CPXM1: variants seen among roughly 807,000 people sequenced by gnomAD.
The protein encoded by CPXM1 is probable carboxypeptidase X1.
In CPXM1, 72 loss-of-function variants were observed where a neutral mutation model predicts 80.4. The observed-to-expected ratio is 0.90, with a 90% CI of 0.74 to 1.09. CPXM1 has a LOEUF of 1.09. Among genes scored for constraint, CPXM1 ranks in the 50% least tolerant of loss-of-function variants. The pLI is 0.00. For synonymous variants in CPXM1, 403 were observed against 405.6 expected (o/e 0.99, Z 0.08); for missense variants, 892 against 999.4 (o/e 0.89, Z 1.45).
At position 2,794,356 on chromosome 20, in the gene CPXM1, G is replaced by A; in HGVS notation, c.2039C>T (p.Ser680Leu). Residue 680 changes from serine to leucine, a missense_variant, in exon 14 of 14, where the codon TCA (serine) becomes TTA (leucine). Coordinates refer to ENST00000380605, the MANE Select transcript of CPXM1 (RefSeq NM_019609.5). The surrounding 1 kb of genome is among the most constrained non-coding windows in gnomAD (Gnocchi z 5.2). ...MVTASAEGYHSVTRNCRVTFE... is the reference protein window; with the variant it reads ...MVTASAEGYHLVTRNCRVTFE... ...GGTGACCCGACAGTTCCGTGTCACT[G>A]AATGGTAGCCCTCGGCACTGGCAGT... 6.2e-7 allele frequency: 1 copy of A among 1,614,156 alleles called. No individual in the cohort carries two copies. Among genetic ancestry groups the A allele is most frequent in the Non-Finnish European group, 8.5e-7 (1 of 1,180,028 alleles).
Position 2,798,298 on chromosome 20 carries a change from A to G in CPXM1, c.451-7T>C. On this transcript the variant is annotated splice_polypyrimidine_tract_variant and splice_region_variant and intron_variant, in intron 3 of 13. Transcript: ENST00000380605. ...CGCCGTCCTCCAGGCCTGACTGCAG[A>G]CACAGGACATGGTGGTCAGGCCCAG... The G allele has an allele frequency of 5.6e-6, 9 of 1,613,708 alleles. No homozygotes were observed. Among genetic ancestry groups the G allele is most frequent in the Non-Finnish European group, 7.6e-6 (9 of 1,179,890 alleles).
chr20:2,795,307 G>A lies in CPXM1; in HGVS notation c.1830C>T (p.Asn610=), dbSNP rs771491989. 18 of 1,614,112 alleles carry A rather than the reference G, an allele frequency of 1.1e-5. No homozygotes were observed. The highest frequency in any genetic ancestry group is 1.5e-5 in the Non-Finnish European group (18 of 1,180,012). The change falls in exon 12 of 14, where the codon AAC becomes AAT. Residue 610 remains asparagine, a synonymous_variant. Coordinates refer to ENST00000380605, the MANE Select transcript of CPXM1 (RefSeq NM_019609.5). This position sits in a 1 kb window ranked among gnomAD's most constrained non-coding sequence, Gnocchi z 5.4. ...CCAGGTAGGTGAGGAGGGCGTCTTT[G>A]TTGTTCTCCCACTCCTGGGGCAATT... ...ENELPQEWEN[N]KDALLTYLEQ... is the part of the protein sequence containing the mutation.
rs908665917 is a variant in CPXM1 at position 2,794,464 on chromosome 20, A to G, written c.1964-33T>C. On this transcript the variant is annotated intron_variant, in intron 13 of 13. Transcript: ENST00000380605. The surrounding 1 kb of genome is among the most constrained non-coding windows in gnomAD (Gnocchi z 5.2). Reference sequence around the variant, plus strand: ...GAGTGAAGGGCACGATCAGGACCCAATTAATGATCTTCTGCTTCTTCCCGA... The same window carrying G: ...GAGTGAAGGGCACGATCAGGACCCAGTTAATGATCTTCTGCTTCTTCCCGA... 1 of 1,613,356 alleles carries G rather than the reference A, an allele frequency of 6.2e-7. No individual in the cohort carries two copies. The highest frequency in any genetic ancestry group is 1.3e-5 in the African/African-American group (1 of 74,896).
In CPXM1 at chr20:2,798,445, C is replaced by T; in HGVS notation, c.433G>A (p.Gly145Arg). Residue 145 changes from glycine (G) to arginine (R), a missense_variant, in exon 3 of 14, where the codon GGA becomes AGA. Gly to Arg is a moderately radical substitution (Grantham distance 125, BLOSUM62 -2). Around this residue, in one of 2 missense-constraint regions of CPXM1, gnomAD observed 874 missense variants for 958.4 expected, o/e 0.91. Transcript: ENST00000380605. Reference protein sequence around the residue: ...SQSFGLGPHRGRLNIQSGLED... With the variant: ...SQSFGLGPHRRRLNIQSGLED... ...TTACTGACCTGAATGTTGAGCCGTC[C>T]TCGGTGTGGTCCAAGACCAAAGGAC... 6.2e-7 allele frequency: 1 copy of T among 1,613,810 alleles called. No homozygotes were observed. The highest frequency in any genetic ancestry group is 8.5e-7 in the Non-Finnish European group (1 of 1,179,870).
Position 2,794,304 on chromosome 20 carries a change from A to G in CPXM1, c.2091T>C (p.Asn697=). The G allele has an allele frequency of 1.2e-6, 2 of 1,614,106 alleles. No individual in the cohort carries two copies. Among genetic ancestry groups the G allele is most frequent in the Non-Finnish European group, 1.7e-6 (2 of 1,180,012 alleles). The change falls in exon 14 of 14, where the codon AAT becomes AAC. Residue 697 remains asparagine, a synonymous_variant. Transcript: ENST00000380605. The surrounding 1 kb of genome is among the most constrained non-coding windows in gnomAD (Gnocchi z 5.2). The stretch of plus-strand genomic sequence containing the variant: ...GTTTGGGAGTCTTGGTGAGCACGAA[A>G]TTGCAGGGGAAGGGGCCCTCTTCAA... ...VTFEEGPFPC[N]FVLTKTPKQR... is the part of the protein sequence containing the mutation.
At position 2,794,463 on chromosome 20, in the gene CPXM1, A is replaced by C; in HGVS notation, c.1964-32T>G. 6.2e-7 allele frequency: 1 copy of C among 1,613,500 alleles called. No homozygotes were observed. The highest frequency in any genetic ancestry group is 8.5e-7 in the Non-Finnish European group (1 of 1,179,596). On this transcript the variant is annotated intron_variant, in intron 13 of 13. Coordinates refer to ENST00000380605, the MANE Select transcript of CPXM1 (RefSeq NM_019609.5). The surrounding 1 kb of genome is among the most constrained non-coding windows in gnomAD (Gnocchi z 5.2). ...AGAGTGAAGGGCACGATCAGGACCC[A>C]ATTAATGATCTTCTGCTTCTTCCCG...
rs372360823 is a variant in CPXM1, at chr20:2,797,356, G to T, written c.682-14C>A. 4 of 1,466,220 alleles carry T rather than the reference G, an allele frequency of 2.7e-6. No homozygotes were observed. The highest frequency in any genetic ancestry group is 3.6e-6 in the Non-Finnish European group (4 of 1,110,918). 90.8% of individuals were successfully genotyped at this position (1,466,220 alleles called of 1,614,324 possible). A position where few individuals can be genotyped will look rare whatever the true frequency, so the allele number is the denominator to read the frequency against. On this transcript the variant is annotated splice_polypyrimidine_tract_variant and intron_variant, in intron 5 of 13. Coordinates refer to ENST00000380605, the MANE Select transcript of CPXM1 (RefSeq NM_019609.5). ...GGCAGGAAATACCTGGGGGCAGCAA[G>T]TTCTCTGTTGTGGCTGCTCAAACCC... is the stretch of plus-strand genomic sequence containing the variant.
chr20:2,798,373 C>T, intron 3 of CPXM1, 55 bp downstream of exon 3: 1 of 1,602,694 alleles, frequency 6.2e-7, no homozygotes, highest in Non-Finnish European at 8.5e-7. Flanking sequence ...GAGAGAAGCT[C>T]CCAGGGGCTG....
In CPXM1 at chr20:2,797,266, C is replaced by A. The variant is rs764256097; in HGVS notation, c.758G>T (p.Arg253Leu). ...CTGGAGCCAGGTCTGGGGCAGCAGG[C>A]GAATGAAGCGGGCCACCTGGGGCTC... Reference protein sequence around the residue: ...LPEPQVARFIRLLPQTWLQGG... With the variant: ...LPEPQVARFILLLPQTWLQGG... Residue 253 changes from arginine to leucine, a missense_variant, in exon 6 of 14, where the codon CGC becomes CTC. Arg to Leu is a moderately radical substitution (Grantham distance 102). Transcript: ENST00000380605. 6.4e-7 allele frequency: 1 copy of A among 1,568,578 alleles called. No individual in the cohort carries two copies. Among genetic ancestry groups the A allele is most frequent in the East Asian group, 2.3e-5 (1 of 43,330 alleles).
rs556415169 is a variant in CPXM1, at chr20:2,800,555, G to A, written c.18C>T (p.Leu6=). 119 of 1,345,414 alleles carry A rather than the reference G, an allele frequency of 8.8e-5. 1 individual carries two copies. The South Asian group carries it at 2.0e-3, about 23-fold the overall frequency. The allele number at this position is 1,345,414 out of a possible 1,614,324, so 83.3% of individuals were successfully genotyped here. A position where few individuals can be genotyped will look rare whatever the true frequency, so the allele number is the denominator to read the frequency against. Residue 6 remains leucine, a synonymous_variant, in exon 1 of 14, where the codon CTC becomes CTT. Coordinates refer to ENST00000380605, the MANE Select transcript of CPXM1 (RefSeq NM_019609.5). ...CGGCCGGCGCGAAGGCGGCCAGGGC[G>A]AGCAGGAGCCCCCACATGGCGGGGA... The part of the protein sequence containing the change: MWGLL[L]ALAAFAPAVG...
Position 2,795,256 on chromosome 20 carries a change from G to T in CPXM1, c.1860+21C>A, listed in dbSNP as rs372739739. 6.2e-7 allele frequency: 1 copy of T among 1,609,746 alleles called. No homozygotes were observed. On this transcript the variant is annotated intron_variant, in intron 12 of 13. Coordinates refer to ENST00000380605, the MANE Select transcript of CPXM1 (RefSeq NM_019609.5). The surrounding 1 kb of genome is among the most constrained non-coding windows in gnomAD (Gnocchi z 5.4). ...AGCAGGAGTGATTCAGGCAGGCTGG[G>T]GGCCGGGACGCAGATCCGACCTGCT...
Position 2,796,570 on chromosome 20 carries a change from C to G in CPXM1, c.1002G>C (p.Leu334=), listed in dbSNP as rs1163672541. The change falls in exon 8 of 14, where the codon CTG becomes CTC. Residue 334 remains leucine (L), a synonymous_variant. Coordinates refer to ENST00000380605, the MANE Select transcript of CPXM1 (RefSeq NM_019609.5). This position sits in a 1 kb window ranked among gnomAD's most constrained non-coding sequence, Gnocchi z 6.8. The part of the protein sequence containing the change: ...SIGKSYQGLK[L]YVMEMSDKPG... ...GCTTGTCCGACATTTCCATCACATA[C>G]AGCTTCAGGCCCTGGTAGCTCTTCC... The G allele has an allele frequency of 6.2e-7, 1 of 1,614,172 alleles. No homozygotes were observed. Among genetic ancestry groups the G allele is most frequent in the South Asian group, 1.1e-5 (1 of 91,082 alleles).
chr20:2,797,460 G>A (rs1221495556), intron 5 of CPXM1, 118 bp from the exon 6 acceptor site: 4 of 1,170,164 alleles, frequency 3.4e-6, no homozygotes, highest in Non-Finnish European at 4.7e-6. Flanking sequence ...GGCTCAGCTA[G>A]AGACTTGCAC....
At position 2,794,681 on chromosome 20, in the gene CPXM1, GATA is replaced by G; in HGVS notation, c.1861-45_1861-43del. The stretch of plus-strand genomic sequence containing the variant: ...TATCAGAGCCCTTCCCCTTCGGCAG[GATA>G]ATGTGCTGTTTAGCTAACTTGCTGG... On this transcript the variant is annotated intron_variant, in intron 12 of 13. Transcript: ENST00000380605. The surrounding 1 kb of genome is among the most constrained non-coding windows in gnomAD (Gnocchi z 5.2). 1 of 1,525,196 alleles carries G rather than the reference GATA, an allele frequency of 6.6e-7. No individual in the cohort carries two copies. The highest frequency in any genetic ancestry group is 9.0e-7 in the Non-Finnish European group (1 of 1,108,266). 94.5% of individuals were successfully genotyped at this position (1,525,196 alleles called of 1,614,324 possible).
Position 2,796,692 on chromosome 20 carries a change from T to A in CPXM1, c.922-42A>T. On this transcript the variant is annotated intron_variant, in intron 7 of 13. Coordinates refer to ENST00000380605, the MANE Select transcript of CPXM1 (RefSeq NM_019609.5). The surrounding 1 kb of genome is among the most constrained non-coding windows in gnomAD (Gnocchi z 6.8). ...AGCGTGGCATGAGGCATGGGAGGGGTACACCCAGGGGCAGATCACATGTGC... is the reference window on the plus strand; with the variant it reads ...AGCGTGGCATGAGGCATGGGAGGGGAACACCCAGGGGCAGATCACATGTGC... 6.2e-7 allele frequency: 1 copy of A among 1,609,594 alleles called. No individual in the cohort carries two copies. The highest frequency in any genetic ancestry group is 8.5e-7 in the Non-Finnish European group (1 of 1,177,704).
At position 2,800,502 on chromosome 20, in the gene CPXM1, T is replaced by G; in HGVS notation, c.71A>C (p.Asn24Thr). The G allele has an allele frequency of 7.2e-7, 1 of 1,382,198 alleles. No individual in the cohort carries two copies. The highest frequency in any genetic ancestry group is 9.3e-7 in the Non-Finnish European group (1 of 1,074,218). 85.6% of individuals were successfully genotyped at this position (1,382,198 alleles called of 1,614,324 possible). ...GGGCTGCGCGAGGCCCAGCACCGAG[T>G]TCCTGGGCGCCCCCAGAGCCGGGCC... ...AVGPALGAPRNSVLGLAQPGT... is the reference protein window; with the variant it reads ...AVGPALGAPRTSVLGLAQPGT... The change falls in exon 1 of 14, where the codon AAC becomes ACC. Residue 24 changes from asparagine to threonine, a missense_variant. By Grantham distance (65) the Asn-to-Thr change is moderately conservative. This residue lies in a region of CPXM1 where 18 missense variants were observed against 41.1 expected (regional missense o/e 0.44). Transcript: ENST00000380605.
At chr20:2,798,406 G>T in intron 3 of CPXM1, 22 bp downstream of exon 3, 1 of 1,606,872 alleles carries the variant, frequency 6.2e-7, no homozygotes, top group Non-Finnish European at 8.5e-7. Flanking sequence ...TGAGACCATG[G>T]CTCCGAGCCA....
In CPXM1 at chr20:2,795,890, G is replaced by C. The variant is rs373765291; in HGVS notation, c.1429C>G (p.Pro477Ala). The change falls in exon 11 of 14, where the codon CCT becomes GCT. Residue 477 changes from proline to alanine, a missense_variant. Transcript: ENST00000380605. This position sits in a 1 kb window ranked among gnomAD's most constrained non-coding sequence, Gnocchi z 5.4. ...CACTTGATTACTGCCCGCGTTTCAG[G>C]AGCCACCTGGATGGGGCAGGTCAGG... The part of the protein sequence containing the change: ...YYTLPNATVA[P>A]ETRAVIKWMK... 1.9e-6 allele frequency: 3 copies of C among 1,609,442 alleles called. No homozygotes were observed. Among genetic ancestry groups the C allele is most frequent in the Non-Finnish European group, 2.5e-6 (3 of 1,176,738 alleles).
In CPXM1 at chr20:2,795,856, C is replaced by T. The variant is rs780955082; in HGVS notation, c.1463G>A (p.Arg488Gln). 2.5e-6 allele frequency: 4 copies of T among 1,611,912 alleles called. No homozygotes were observed. Among genetic ancestry groups the T allele is most frequent in the East Asian group, 2.2e-5 (1 of 44,866 alleles). The change falls in exon 11 of 14, where the codon CGG becomes CAG. Residue 488 changes from arginine (R) to glutamine (Q), a missense_variant. Coordinates refer to ENST00000380605, the MANE Select transcript of CPXM1 (RefSeq NM_019609.5). The surrounding 1 kb of genome is among the most constrained non-coding windows in gnomAD (Gnocchi z 5.4). ...GTTGGCACTTAGCACAAAGGGGATCCGCTTCATCCACTTGATTACTGCCCG... is the reference window on the plus strand; with the variant it reads ...GTTGGCACTTAGCACAAAGGGGATCTGCTTCATCCACTTGATTACTGCCCG... ...ETRAVIKWMK[R>Q]IPFVLSANLH...
Sources: allele counts gnomAD v4.1 joint callset, GRCh38; gene constraint gnomAD v4.1.1; regional missense constraint gnomAD v4.1.1; non-coding constraint Gnocchi (gnomAD v3.1); transcripts MANE v1.5; gene names NCBI Gene and HGNC (gene_info 2026-07-23, HGNC 2026-07-21).